The following UNC5D variants were observed in gnomAD, a reference collection of about 807,000 sequenced individuals.
UNC5D encodes netrin receptor UNC5D.
In UNC5D, 39 loss-of-function variants were observed where a neutral mutation model predicts 105.4. The ratio of observed to expected loss-of-function variants is 0.37; its 90% CI spans 0.29 to 0.48. The LOEUF is 0.48. UNC5D is among the 20% of genes least tolerant of loss of function. The pLI is 0.98. For missense variants in UNC5D, 991 were observed against 1,202.4 expected (o/e 0.82, Z 2.60); for synonymous variants, 452 against 450.4 (o/e 1.00, Z -0.04).
intron 4 of UNC5D, among the ~76,000 whole-genome samples, chr8:35,666,529 A>C (rs1456288740): frequency 6.6e-6 from 1 of 152,108 alleles, no homozygotes; most frequent in African/African-American, 2.4e-5. Context: ...GCGAAGCCCA[A>C]ACCACAGCTC....
chr8:35,263,728 T>C (rs949414436), intron 1 of UNC5D, among the ~76,000 whole-genome samples: 1 of 152,230 alleles, frequency 6.6e-6, no homozygotes, highest in African/African-American at 2.4e-5. Context: ...ACTGAATAAA[T>C]GACCTGACCT....
At chr8:35,443,113 A>G (rs895256665) in intron 1 of UNC5D, among the ~76,000 whole-genome samples, 1 of 151,786 alleles carries the variant, frequency 6.6e-6, no homozygotes, top group African/African-American at 2.4e-5. Flanking sequence ...TCTTTATACC[A>G]TGTCAGGTAT....
chr8:35,483,096 C>T (rs1293984401), intron 1 of UNC5D, among the ~76,000 whole-genome samples: 2 of 152,008 alleles, frequency 1.3e-5, no homozygotes, highest in African/African-American at 2.4e-5. Context: ...AGCCACTGCA[C>T]CTGGCCCCAT....
At chr8:35,625,849 G>A (rs1305955609) in intron 4 of UNC5D, among the ~76,000 whole-genome samples, 1 of 152,190 alleles carries the variant, frequency 6.6e-6, no homozygotes, top group East Asian at 1.9e-4. Context: ...GTCAGAGTGT[G>A]CAATGTATGT....
intron 16 of UNC5D, among the ~76,000 whole-genome samples, chr8:35,786,485 C>T (rs868141557): frequency 6.6e-6 from 1 of 152,080 alleles, no homozygotes; most frequent in South Asian, 2.1e-4. Context: ...CAGCCCTTCT[C>T]TTTCTTGAGG....
intron 1 of UNC5D, among the ~76,000 whole-genome samples, chr8:35,490,509 G>A (rs886864516): frequency 1.3e-5 from 2 of 151,918 alleles, no homozygotes; most frequent in African/African-American, 4.8e-5. Context: ...GGGTGACAGA[G>A]CAAGACCCTA....
chr8:35,367,178 C>T (rs1355610777), intron 1 of UNC5D, among the ~76,000 whole-genome samples: 1 of 152,144 alleles, frequency 6.6e-6, no homozygotes, highest in African/African-American at 2.4e-5. Flanking sequence ...TTTTCTGCTT[C>T]TCCCCACAAC....
intron 13 of UNC5D, among the ~76,000 whole-genome samples, chr8:35,756,134 T>C (rs1425059990): frequency 6.6e-6 from 1 of 152,248 alleles, no homozygotes; most frequent in Non-Finnish European, 1.5e-5. Flanking sequence ...AATACAATTA[T>C]TAGTTCATTA....
intron 3 of UNC5D, among the ~76,000 whole-genome samples, chr8:35,595,240 C>G (rs760446398): frequency 3.3e-5 from 5 of 152,120 alleles, no homozygotes; most frequent in Non-Finnish European, 2.9e-5. Flanking sequence ...ATCAGATGCT[C>G]AGCAGATAAT....
chr8:35,242,708 C>T (rs1349861019), intron 1 of UNC5D, among the ~76,000 whole-genome samples: 2 of 151,986 alleles, frequency 1.3e-5, no homozygotes, highest in African/African-American at 2.4e-5. Context: ...CTCCTGACCT[C>T]GGGATCTGCC....
At chr8:35,479,979 T>C (rs989012919) in intron 1 of UNC5D, among the ~76,000 whole-genome samples, 1 of 152,206 alleles carries the variant, frequency 6.6e-6, no homozygotes, top group African/African-American at 2.4e-5. Context: ...CGCTCTGTTC[T>C]CTGGAATGCA....
chr8:35,666,788 A>T (rs945228386), intron 4 of UNC5D, among the ~76,000 whole-genome samples: 1 of 152,172 alleles, frequency 6.6e-6, no homozygotes, highest in Non-Finnish European at 1.5e-5. Context: ...TGGTTAGTGA[A>T]ATTGCATGGT....
intron 11 of UNC5D, among the ~76,000 whole-genome samples, chr8:35,736,210 A>G (rs989728528): frequency 6.6e-6 from 1 of 152,148 alleles, no homozygotes; most frequent in Non-Finnish European, 1.5e-5. Flanking sequence ...ATAAAAATAA[A>G]ATAAAACAAA....
chr8:35,719,406 G>A (rs1281194468), intron 8 of UNC5D, among the ~76,000 whole-genome samples: 1 of 152,108 alleles, frequency 6.6e-6, no homozygotes, highest in Non-Finnish European at 1.5e-5. Flanking sequence ...GTACAACCAG[G>A]TAGATCGAAG....
intron 16 of UNC5D, among the ~76,000 whole-genome samples, chr8:35,783,438 T>G (rs1023562893): frequency 6.6e-6 from 1 of 152,200 alleles, no homozygotes; most frequent in African/African-American, 2.4e-5. Context: ...ACTGTCCTCC[T>G]GGTACCATGG....
At chr8:35,449,655 C>G (rs1444279325) in intron 1 of UNC5D, among the ~76,000 whole-genome samples, 2 of 152,104 alleles carry the variant, frequency 1.3e-5, no homozygotes, top group African/African-American at 4.8e-5. Context: ...TCTATGTCAT[C>G]CTGTTGTCAT....
intron 1 of UNC5D, among the ~76,000 whole-genome samples, chr8:35,344,676 C>G (rs934025809): frequency 3.3e-5 from 5 of 152,028 alleles, no homozygotes; most frequent in Admixed American, 3.3e-4. Context: ...CTACTACAGT[C>G]TCGTAAAGAG....
intron 1 of UNC5D, among the ~76,000 whole-genome samples, chr8:35,264,080 A>ACAGT (rs1804667158): frequency 1.3e-5 from 2 of 152,272 alleles, no homozygotes; most frequent in African/African-American, 2.4e-5. Context: ...GGCAAAAAAC[A>ACAGT]TAATCAAATA....
intron 1 of UNC5D, among the ~76,000 whole-genome samples, chr8:35,386,342 C>A (rs1352539486): frequency 6.6e-6 from 1 of 152,190 alleles, no homozygotes; most frequent in Non-Finnish European, 1.5e-5. Flanking sequence ...GACATGTACA[C>A]ACCCCACTCA....
Sources: allele counts gnomAD v4.1 joint callset (sites outside exome capture counted in the v4.1 genomes callset), GRCh38; gene constraint gnomAD v4.1.1; transcripts MANE v1.5; gene names NCBI Gene and HGNC (gene_info 2026-07-23, HGNC 2026-07-21).